PRND: variants seen among roughly 807,000 people sequenced by gnomAD.
PRND encodes prion like protein doppel.
For synonymous variants in PRND, 94 were observed against 93.2 expected (o/e 1.01, Z -0.05); for missense variants, 227 against 223.3 (o/e 1.02, Z -0.11).
chr20:4,724,875 C>A lies in PRND; in HGVS notation c.324C>A (p.Cys108Ter). The A allele has an allele frequency of 6.2e-7, 1 of 1,614,220 alleles. No individual in the cohort carries two copies. Among genetic ancestry groups the A allele is most frequent in the Non-Finnish European group, 8.5e-7 (1 of 1,180,042 alleles). Residue 108 changes from cysteine (C) to a stop codon, truncating the protein, a stop_gained, in exon 2 of 2, where the codon TGC (cysteine) becomes TGA (stop). Coordinates refer to ENST00000305817, the MANE Select transcript of PRND (RefSeq NM_012409.4). LOFTEE classifies it low-confidence loss of function (END_TRUNC). The surrounding 1 kb of genome is among the most constrained non-coding windows in gnomAD (Gnocchi z 4.8). The stretch of plus-strand genomic sequence containing the variant: ...CCAAGGAGGCATTTGTCACCGGCTG[C>A]ATCAATGCCACCCAGGCGGCGAACC... Reference protein sequence around the residue: ...NVTKEAFVTGCINATQAANQG... With the variant: ...NVTKEAFVTG
Position 4,724,766 on chromosome 20 carries a change from C to T in PRND, c.215C>T (p.Ala72Val), listed in dbSNP as rs1265804777. ...QGRKLDIDFG[A>V]EGNRYYEANY... ...CGCAAGCTCGACATTGACTTCGGAG[C>T]CGAGGGCAACAGGTACTACGAGGCC... Residue 72 changes from alanine (A) to valine (V), a missense_variant, in exon 2 of 2, where the codon GCC becomes GTC. By Grantham distance (64) the Ala-to-Val change is moderately conservative. Transcript: ENST00000305817. This position sits in a 1 kb window ranked among gnomAD's most constrained non-coding sequence, Gnocchi z 4.8. 6.2e-7 allele frequency: 1 copy of T among 1,614,214 alleles called. No individual in the cohort carries two copies. Among genetic ancestry groups the T allele is most frequent in the South Asian group, 1.1e-5 (1 of 91,088 alleles).
At position 4,727,014 on chromosome 20, in the gene PRND, G is replaced by A. The variant is rs911116461; in HGVS notation, c.*1932G>A. On this transcript the variant is annotated 3_prime_UTR_variant, in exon 2 of 2. Transcript: ENST00000305817. ...GATCAGAGAGCAAGAAAAAAGTACA[G>A]AACATATCCTCTACGGTTATTTCCT... The A allele has an allele frequency of 3.0e-5, 5 of 166,952 alleles. No homozygotes were observed. Among genetic ancestry groups the A allele is most frequent in the Non-Finnish European group, 4.4e-5 (3 of 68,100 alleles). The allele number at this position is 166,952 out of a possible 1,614,324, so 10.3% of individuals were successfully genotyped here.
In PRND at chr20:4,725,306, C is replaced by A; in HGVS notation, c.*224C>A. ...ACTCCATTCTCAGCCCCTAGCAGAG[C>A]GTCTGGCACACTAGATTAGTAGTAA... On this transcript the variant is annotated 3_prime_UTR_variant, in exon 2 of 2. Coordinates refer to ENST00000305817, the MANE Select transcript of PRND (RefSeq NM_012409.4). 2 of 559,524 alleles carry A rather than the reference C, an allele frequency of 3.6e-6. No homozygotes were observed. Among genetic ancestry groups the A allele is most frequent in the Non-Finnish European group, 6.4e-6 (2 of 312,054 alleles). The allele number at this position is 559,524 out of a possible 1,614,324, so 34.7% of individuals were successfully genotyped here.
At position 4,725,106 on chromosome 20, in the gene PRND, A is replaced by C; in HGVS notation, c.*24A>C. 1 of 1,605,324 alleles carries C rather than the reference A, an allele frequency of 6.2e-7. No homozygotes were observed. The highest frequency in any genetic ancestry group is 8.5e-7 in the Non-Finnish European group (1 of 1,176,034). On this transcript the variant is annotated 3_prime_UTR_variant, in exon 2 of 2. Transcript: ENST00000305817. The stretch of plus-strand genomic sequence containing the variant: ...AAGCTTGCCAGGAGGCTGGCAGTAC[A>C]GAGTGCAGCAGCGAGCAAATCCTGG...
At chr20:4,722,585 T>C (rs1568542074) in intron 1 of PRND, among the ~76,000 whole-genome samples, 1 of 152,060 alleles carries the variant, frequency 6.6e-6, no homozygotes, top group Non-Finnish European at 1.5e-5. Context: ...TTGCCTTTTT[T>C]TTTTAATATA....
In PRND at chr20:4,724,097, T is replaced by C. The variant is rs1923189420; in HGVS notation, c.-11-444T>C. Among the ~76,000 whole-genome samples, 1 of 149,276 alleles carries C rather than the reference T, an allele frequency of 6.7e-6. No individual in the cohort carries two copies. The highest frequency in any genetic ancestry group is 1.5e-5 in the Non-Finnish European group (1 of 67,634). On this transcript the variant is annotated intron_variant, in intron 1 of 1. Transcript: ENST00000305817. This position sits in a 1 kb window ranked among gnomAD's most constrained non-coding sequence, Gnocchi z 4.8. ...ATATACATATATATGTGTATATATA[T>C]ACGTGTATACACACACACACACACA... is the stretch of plus-strand genomic sequence containing the variant.
Position 4,725,404 on chromosome 20 carries a change from A to T in PRND, c.*322A>T, listed in dbSNP as rs1923234335. 6.7e-6 allele frequency: 2 copies of T among 296,338 alleles called. No homozygotes were observed. The highest frequency in any genetic ancestry group is 9.3e-5 in the Admixed American group (2 of 21,620). The allele number at this position is 296,338 out of a possible 1,614,324, so 18.4% of individuals were successfully genotyped here. The stretch of plus-strand genomic sequence containing the variant: ...GTACTTCCCAACAACTCTTAGAGGT[A>T]GGTGTATTCCCGTTTTACAGATAAG... On this transcript the variant is annotated 3_prime_UTR_variant, in exon 2 of 2. Transcript: ENST00000305817.
chr20:4,726,420 G>C lies in PRND; in HGVS notation c.*1338G>C, dbSNP rs6139531. On this transcript the variant is annotated 3_prime_UTR_variant, in exon 2 of 2. Coordinates refer to ENST00000305817, the MANE Select transcript of PRND (RefSeq NM_012409.4). Reference sequence around the variant, plus strand: ...CAAAAATACAATTACTCACCAAAAAGCTTTAAAAAATAAAGCTGTGTCTTT... The same window carrying C: ...CAAAAATACAATTACTCACCAAAAACCTTTAAAAAATAAAGCTGTGTCTTT... The C allele has an allele frequency of 0.24, 40,107 of 166,768 alleles. 5,869 individuals are homozygous for C. The highest frequency in any genetic ancestry group is 0.42 in the African/African-American group (17,507 of 41,390). The allele number at this position is 166,768 out of a possible 1,614,324, so 10.3% of individuals were successfully genotyped here.
chr20:4,727,091 G>C lies in PRND; in HGVS notation c.*2009G>C, dbSNP rs1331769663. 2 of 166,732 alleles carry C rather than the reference G, an allele frequency of 1.2e-5. No individual in the cohort carries two copies. Among genetic ancestry groups the C allele is most frequent in the African/African-American group, 4.8e-5 (2 of 41,304 alleles). 10.3% of individuals were successfully genotyped at this position (166,732 alleles called of 1,614,324 possible). A position where few individuals can be genotyped will look rare whatever the true frequency, so the allele number is the denominator to read the frequency against. On this transcript the variant is annotated 3_prime_UTR_variant, in exon 2 of 2. Coordinates refer to ENST00000305817, the MANE Select transcript of PRND (RefSeq NM_012409.4). ...ATGGCAAGAGAGAAAGAAAGAGAAA[G>C]TACTCAGAGGCTGACACTGACATTT... is the stretch of plus-strand genomic sequence containing the variant.
In PRND at chr20:4,726,643, T is replaced by C. The variant is rs1216653373; in HGVS notation, c.*1561T>C. ...GAGACTCCCAGGAGTTGTTGAACTA[T>C]ATTTGGAGAAAACAGCCACTGAATA... is the stretch of plus-strand genomic sequence containing the variant. On this transcript the variant is annotated 3_prime_UTR_variant, in exon 2 of 2. Coordinates refer to ENST00000305817, the MANE Select transcript of PRND (RefSeq NM_012409.4). The C allele has an allele frequency of 6.0e-6, 1 of 167,122 alleles. No individual in the cohort carries two copies. The highest frequency in any genetic ancestry group is 2.4e-5 in the African/African-American group (1 of 41,476). 10.4% of individuals were successfully genotyped at this position (167,122 alleles called of 1,614,324 possible). A position where few individuals can be genotyped will look rare whatever the true frequency, so the allele number is the denominator to read the frequency against.
rs1244303606 is a variant in PRND, at chr20:4,726,455, C to G, written c.*1373C>G. On this transcript the variant is annotated 3_prime_UTR_variant, in exon 2 of 2. Coordinates refer to ENST00000305817, the MANE Select transcript of PRND (RefSeq NM_012409.4). ...ATAAAGCTGTGTCTTTAGGGAGACC[C>G]AATAAAGAATGCAATCCATGCCATA... 2 of 166,954 alleles carry G rather than the reference C, an allele frequency of 1.2e-5. No individual in the cohort carries two copies. The highest frequency in any genetic ancestry group is 2.9e-5 in the Non-Finnish European group (2 of 68,104). The allele number at this position is 166,954 out of a possible 1,614,324, so 10.3% of individuals were successfully genotyped here. A position where few individuals can be genotyped will look rare whatever the true frequency, so the allele number is the denominator to read the frequency against.
At chr20:4,722,647 C>T (rs1923136908) in intron 1 of PRND, among the ~76,000 whole-genome samples, 1 of 151,926 alleles carries the variant, frequency 6.6e-6, no homozygotes, top group Non-Finnish European at 1.5e-5. Context: ...ACATTAGCCA[C>T]TTTTAGGGAA....
In PRND at chr20:4,725,013, AC is replaced by A. The variant is rs747724000; in HGVS notation, c.463del (p.Leu155PhefsTer16). ...CEFWLERGAG[L>X]RVTMHQPVLL... is the part of the protein sequence containing the mutation. ...AGTTTTGGTTGGAGAGGGGCGCAGG[AC>A]TTCGGGTCACCATGCACCAGCCAGT... On this transcript the variant is annotated frameshift_variant, in exon 2 of 2. Transcript: ENST00000305817. LOFTEE classifies it low-confidence loss of function (END_TRUNC). The A allele has an allele frequency of 3.1e-6, 5 of 1,613,506 alleles. No homozygotes were observed. Among genetic ancestry groups the A allele is most frequent in the Non-Finnish European group, 4.2e-6 (5 of 1,179,940 alleles).
rs767675071 is a variant in PRND at position 4,724,933 on chromosome 20, C to T, written c.382C>T (p.His128Tyr). 1 of 1,614,166 alleles carries T rather than the reference C, an allele frequency of 6.2e-7. No individual in the cohort carries two copies. The highest frequency in any genetic ancestry group is 8.5e-7 in the Non-Finnish European group (1 of 1,180,048). Residue 128 changes from histidine (H) to tyrosine (Y), a missense_variant, in exon 2 of 2, where the codon CAC becomes TAC. Transcript: ENST00000305817. The surrounding 1 kb of genome is among the most constrained non-coding windows in gnomAD (Gnocchi z 4.8). ...GTTCCAGAAGCCAGACAACAAGCTC[C>T]ACCAGCAGGTGCTCTGGCGGCTGGT... ...GEFQKPDNKL[H>Y]QQVLWRLVQE...
At chr20:4,722,980 C>T (rs1923148282) in intron 1 of PRND, among the ~76,000 whole-genome samples, 1 of 152,172 alleles carries the variant, frequency 6.6e-6, no homozygotes, top group African/African-American at 2.4e-5. Flanking sequence ...GTCCCAGGGC[C>T]ACCTTGACCC....
rs980132914 is a variant in PRND at position 4,726,514 on chromosome 20, A to T, written c.*1432A>T. The T allele has an allele frequency of 2.4e-5, 4 of 167,110 alleles. No homozygotes were observed. Among genetic ancestry groups the T allele is most frequent in the South Asian group, 4.1e-4 (2 of 4,824 alleles). The allele number at this position is 167,110 out of a possible 1,614,324, so 10.4% of individuals were successfully genotyped here. On this transcript the variant is annotated 3_prime_UTR_variant, in exon 2 of 2. Transcript: ENST00000305817. ...TTGATACACCACCTTATTAGCTAAAAATATATATAACACAATATGAGTAAT... is the reference window on the plus strand; with the variant it reads ...TTGATACACCACCTTATTAGCTAAATATATATATAACACAATATGAGTAAT...
chr20:4,722,445 G>C (rs985567367), intron 1 of PRND, among the ~76,000 whole-genome samples: 2 of 150,748 alleles, frequency 1.3e-5, no homozygotes, highest in Non-Finnish European at 3.0e-5. Flanking sequence ...GGGTGAGGGG[G>C]TCCAGATGCT....
intron 1 of PRND, among the ~76,000 whole-genome samples, chr20:4,722,512 A>C (rs1048139749): frequency 6.6e-6 from 1 of 151,666 alleles, no homozygotes; most frequent in Non-Finnish European, 1.5e-5. Flanking sequence ...AAGGTCAGTG[A>C]GGCCTCTTTG....
At chr20:4,722,107 A>G (rs1226422811) in intron 1 of PRND, 138 bp downstream of exon 1, 1 of 152,188 alleles carries the variant, frequency 6.6e-6, no homozygotes, top group Non-Finnish European at 1.5e-5. Context: ...TTGCGAGGAT[A>G]CCCAGTCATC....
Sources: allele counts gnomAD v4.1 joint callset (sites outside exome capture counted in the v4.1 genomes callset), GRCh38; gene constraint gnomAD v4.1.1; non-coding constraint Gnocchi (gnomAD v3.1); transcripts MANE v1.5; gene names NCBI Gene and HGNC (gene_info 2026-07-23, HGNC 2026-07-21).